The following GUSB variants were observed in gnomAD, a reference collection of about 807,000 sequenced individuals.
The protein encoded by GUSB is beta-glucuronidase.
In GUSB, 51 loss-of-function variants were observed where a neutral mutation model predicts 74.6. The observed-to-expected ratio is 0.68, with a 90% confidence interval of 0.55 to 0.86. The LOEUF is 0.86. Among genes scored for constraint, GUSB ranks in the 40% least tolerant of loss-of-function variants. The pLI, the probability that GUSB is intolerant of heterozygous loss-of-function variation, is 0.00. For missense variants in GUSB, 736 were observed against 853.7 expected, an observed-to-expected ratio of 0.86 and a Z score of 1.72; for synonymous variants, 360 against 348.3, an observed-to-expected ratio of 1.03 and a Z score of -0.37.
In GUSB at chr7:65,970,026, G is replaced by A. The variant is rs144886315; in HGVS notation, c.1476+256C>T. On this transcript the variant is annotated intron_variant, in intron 9 of 11. Coordinates refer to ENST00000304895, the MANE Select transcript of GUSB (RefSeq NM_000181.4). ...CCATCTGTGAAAACAGACTGGCTGC[G>A]GCCGGGGTGTGGTGGCCCACACCTG... Among the ~76,000 whole-genome samples, 280 of 152,178 alleles carry A rather than the reference G, an allele frequency of 1.8e-3. 1 individual carries two copies. Among genetic ancestry groups the A allele is most frequent in the African/African-American group, 6.6e-3 (276 of 41,542 alleles).
In GUSB at chr7:65,981,685, T is replaced by A. The variant is rs562336295; in HGVS notation, c.210+289A>T. Among the ~76,000 whole-genome samples, 11 of 152,266 alleles carry A rather than the reference T, an allele frequency of 7.2e-5. 1 individual carries two copies. Among genetic ancestry groups the A allele is most frequent in the East Asian group, 5.8e-4 (3 of 5,172 alleles). On this transcript the variant is annotated intron_variant, in intron 1 of 11. Transcript: ENST00000304895. ...GCAAACCCAGTCTCAAAAAAATTTTTAAAAATTAAAAATAAATATTGAAAG... is the reference window on the plus strand; with the variant it reads ...GCAAACCCAGTCTCAAAAAAATTTTAAAAAATTAAAAATAAATATTGAAAG...
chr7:65,972,481 C>T (rs1791281554), intron 8 of GUSB, among the ~76,000 whole-genome samples: 1 of 152,156 alleles, frequency 6.6e-6, no homozygotes, highest in East Asian at 1.9e-4. Flanking sequence ...TTGTTGAAGC[C>T]TGTTTTCCTC....
chr7:65,968,632 C>A (rs1016629890), intron 9 of GUSB, among the ~76,000 whole-genome samples: 2 of 152,200 alleles, frequency 1.3e-5, no homozygotes, highest in Non-Finnish European at 1.5e-5. Context: ...GTCGCCCAGG[C>A]TAGAATGTTA....
chr7:65,970,936 C>T (rs1021812754), intron 8 of GUSB, among the ~76,000 whole-genome samples: 10 of 151,894 alleles, frequency 6.6e-5, no homozygotes, highest in South Asian at 4.1e-4. Context: ...AGCATGGAGC[C>T]GCTGCTTTCT....
At chr7:65,961,513 G>A (rs1790494550) in intron 11 of GUSB, among the ~76,000 whole-genome samples, 1 of 152,116 alleles carries the variant, frequency 6.6e-6, no homozygotes, top group Non-Finnish European at 1.5e-5. Flanking sequence ...CCACTGCTCT[G>A]CCCAAACACC....
chr7:65,969,522 T>C (rs1791061873), intron 9 of GUSB, among the ~76,000 whole-genome samples: 1 of 151,634 alleles, frequency 6.6e-6, no homozygotes, highest in Non-Finnish European at 1.5e-5. Context: ...CATAGAGAGA[T>C]GCCACCTCTA....
intron 8 of GUSB, among the ~76,000 whole-genome samples, chr7:65,971,829 T>TTGGGA (rs1791232651): frequency 6.6e-6 from 1 of 151,610 alleles, no homozygotes; most frequent in African/African-American, 2.4e-5. Flanking sequence ...TAACCTGAGG[T>TTGGGA]TGGGAGTTCG....
At position 65,979,879 on chromosome 7, in the gene GUSB, C is replaced by CT. The variant is rs1791873434; in HGVS notation, c.428dup (p.Tyr146LeufsTer46). 6.2e-7 allele frequency: 1 copy of CT among 1,611,172 alleles called. No homozygotes were observed. The highest frequency in any genetic ancestry group is 1.1e-5 in the South Asian group (1 of 90,952). On this transcript the variant is annotated frameshift_variant, in exon 3 of 12. Coordinates refer to ENST00000304895, the MANE Select transcript of GUSB (RefSeq NM_000181.4). LOFTEE classifies it high-confidence loss of function. ...CGGCCTCGAAGGGGAGGTAGCCCCC[C>CT]TCATGCTCTAGCGTGTCGACCCCAT...
At chr7:65,969,379 AAAAT>A (rs893231338) in intron 9 of GUSB, among the ~76,000 whole-genome samples, 2 of 151,832 alleles carry the variant, frequency 1.3e-5, no homozygotes, top group South Asian at 2.1e-4. Flanking sequence ...ATTCCATCTC[AAAAT>A]AAATAAATAA....
In GUSB at chr7:65,967,678, G is replaced by A. The variant is rs973385123; in HGVS notation, c.1653+53C>T. 3.4e-6 allele frequency: 5 copies of A among 1,454,934 alleles called. No homozygotes were observed. In the East Asian group the frequency reaches 1.1e-4, roughly 33 times the overall value. 90.1% of individuals were successfully genotyped at this position (1,454,934 alleles called of 1,614,324 possible). A position where few individuals can be genotyped will look rare whatever the true frequency, so the allele number is the denominator to read the frequency against. ...GCGCAGGTCAGGCTGGAGGAGGTGA[G>A]TGACATCTCTGCCCTGAGAGAACAC... On this transcript the variant is annotated intron_variant, in intron 10 of 11. Transcript: ENST00000304895.
At chr7:65,976,266 C>G (rs1261188803) in intron 4 of GUSB, 64 bp from the exon 5 acceptor site, 1 of 1,122,174 alleles carries the variant, frequency 8.9e-7, no homozygotes, top group Non-Finnish European at 1.3e-6. Context: ...CAAACAGGAG[C>G]GCCCTGCAGC....
chr7:65,980,185 G>GCAC, intron 2 of GUSB, 39 bp downstream of exon 2: 18 of 725,274 alleles, frequency 2.5e-5, no homozygotes, highest in South Asian at 1.1e-4. Context: ...CAGCAGCCGT[G>GCAC]CCCCCCCACC....
At chr7:65,973,187 C>T (rs562954587) in intron 8 of GUSB, among the ~76,000 whole-genome samples, 1 of 152,290 alleles carries the variant, frequency 6.6e-6, no homozygotes, top group East Asian at 1.9e-4. Flanking sequence ...CACGGTGGCT[C>T]ACGCCTGTAA....
At chr7:65,978,505 C>T (rs977088470) in intron 4 of GUSB, among the ~76,000 whole-genome samples, 2 of 151,740 alleles carry the variant, frequency 1.3e-5, no homozygotes, top group East Asian at 2.0e-4. Flanking sequence ...CAGTGGCTCA[C>T]GCCTGTAACC....
intron 4 of GUSB, among the ~76,000 whole-genome samples, chr7:65,977,203 G>T (rs1163759626): frequency 1.3e-5 from 2 of 152,094 alleles, no homozygotes; most frequent in Admixed American, 1.3e-4. Flanking sequence ...TGAGATGGGG[G>T]TGTCACTCTG....
chr7:65,976,216 G>C lies in GUSB; in HGVS notation c.725-14C>G, dbSNP rs758405750. ...AATTCACCAGCCCTGCAAGAAACAA[G>C]AGAGACCAGGGCTGAGGGAGGGACA... On this transcript the variant is annotated splice_polypyrimidine_tract_variant and intron_variant, in intron 4 of 11. Coordinates refer to ENST00000304895, the MANE Select transcript of GUSB (RefSeq NM_000181.4). The C allele has an allele frequency of 1.9e-6, 3 of 1,601,364 alleles. No homozygotes were observed. The highest frequency in any genetic ancestry group is 2.6e-6 in the Non-Finnish European group (3 of 1,171,536).
At chr7:65,961,711 A>C (rs1790507796) in intron 11 of GUSB, among the ~76,000 whole-genome samples, 1 of 152,182 alleles carries the variant, frequency 6.6e-6, no homozygotes, top group African/African-American at 2.4e-5. Flanking sequence ...TCTATTAAAA[A>C]TACAAAAACT....
At chr7:65,981,811 T>C in intron 1 of GUSB, 163 bp downstream of exon 1, 1 of 620,602 alleles carries the variant, frequency 1.6e-6, no homozygotes, top group Non-Finnish European at 2.8e-6. Flanking sequence ...GGTGCTCCTG[T>C]TCCCCCGTCC....
chr7:65,965,754 G>T lies in GUSB; in HGVS notation c.1654-1296C>A, dbSNP rs1276294102. Among the ~76,000 whole-genome samples the T allele has an allele frequency of 1.3e-5, 2 of 152,088 alleles. 1 individual carries two copies. The highest frequency in any genetic ancestry group is 2.9e-5 in the Non-Finnish European group (2 of 68,026). ...TGCACAGACTGGTCTCAAACTCCTGGGCTCAAGAGATCCTCTGACCTTGGC... is the reference window on the plus strand; with the variant it reads ...TGCACAGACTGGTCTCAAACTCCTGTGCTCAAGAGATCCTCTGACCTTGGC... On this transcript the variant is annotated intron_variant, in intron 10 of 11. Transcript: ENST00000304895.
Sources: gnomAD v4.1 joint callset for allele counts (sites outside exome capture counted in the v4.1 genomes callset) on GRCh38, gnomAD v4.1.1 for gene constraint, MANE v1.5 for transcripts, NCBI Gene and HGNC (gene_info 2026-07-23, HGNC 2026-07-21) for gene names.